Variants in MRE11 observed in about 807,000 individuals in gnomAD.
MRE11 encodes double-strand break repair protein MRE11.
MRE11 carries 62 observed loss-of-function variants against 91.7 expected under a neutral mutation model. The observed-to-expected ratio is 0.68, with a 90% CI of 0.55 to 0.84. The LOEUF (loss-of-function observed/expected upper bound fraction) is 0.84, where lower values mean the gene tolerates loss of function less well. Ranked by LOEUF, MRE11 falls within the 40% of genes least tolerant of loss-of-function variation. The probability of loss-of-function intolerance (pLI) is 0.00; values close to 1 mark genes in which losing one functional copy is unlikely to be tolerated. For missense variants in MRE11, 796 were observed against 852.9 expected, an observed-to-expected ratio of 0.93 and a Z score of 0.83; for synonymous variants, 273 against 271.4, an observed-to-expected ratio of 1.01 and a Z score of -0.06.
At chr11:94,450,773 C>T (rs1946078803) in intron 14 of MRE11, among the ~76,000 whole-genome samples, 2 of 151,852 alleles carry the variant, frequency 1.3e-5, no homozygotes, top group South Asian at 2.1e-4. Context: ...ATTCTGTATC[C>T]AAAAAGCTAG....
chr11:94,452,956 T>C (rs1412406510), intron 14 of MRE11, among the ~76,000 whole-genome samples: 1 of 152,160 alleles, frequency 6.6e-6, no homozygotes, highest in African/African-American at 2.4e-5. Flanking sequence ...CATCCCAAAC[T>C]GAAACTCCAT....
intron 7 of MRE11, chr11:94,472,996 C>T (rs1946757588): frequency 6.6e-6 from 1 of 152,072 alleles, no homozygotes; most frequent in South Asian, 2.1e-4. Context: ...CTCCTCTCTA[C>T]ATACACAGGG....
intron 6 of MRE11, 39 bp from the exon 7 acceptor site, chr11:94,476,442 A>T: frequency 7.3e-7 from 1 of 1,364,658 alleles, no homozygotes; most frequent in Admixed American, 1.7e-5. Context: ...TTGTTTTCTT[A>T]CTTCGGCTTA....
intron 19 of MRE11, among the ~76,000 whole-genome samples, chr11:94,421,075 T>G (rs1377969121): frequency 6.6e-6 from 1 of 151,956 alleles, no homozygotes; most frequent in Non-Finnish European, 1.5e-5. Context: ...CTATAGATTG[T>G]ATGCATGGTA....
intron 14 of MRE11, among the ~76,000 whole-genome samples, chr11:94,450,914 T>C (rs992120525): frequency 1.3e-5 from 2 of 152,006 alleles, no homozygotes; most frequent in South Asian, 2.1e-4. Flanking sequence ...ATAACATTAA[T>C]AAAAATCACA....
chr11:94,443,676 G>T (rs1283308090), intron 16 of MRE11, among the ~76,000 whole-genome samples: 1 of 152,136 alleles, frequency 6.6e-6, no homozygotes, highest in Non-Finnish European at 1.5e-5. Context: ...GCGCCTCATG[G>T]GAGTGGCTGA....
At chr11:94,471,351 G>A (rs1245344711) in intron 8 of MRE11, among the ~76,000 whole-genome samples, 2 of 152,038 alleles carry the variant, frequency 1.3e-5, no homozygotes, top group Non-Finnish European at 2.9e-5. Context: ...TGCCTAATGA[G>A]CAGCAAAATA....
intron 16 of MRE11, among the ~76,000 whole-genome samples, chr11:94,438,014 G>A (rs997223706): frequency 1.3e-5 from 2 of 152,130 alleles, no homozygotes; most frequent in African/African-American, 4.8e-5. Flanking sequence ...TGTAATCCCA[G>A]CTACTTGGGA....
chr11:94,458,429 T>C (rs1008632303), intron 13 of MRE11, among the ~76,000 whole-genome samples: 2 of 152,190 alleles, frequency 1.3e-5, no homozygotes, highest in Non-Finnish European at 2.9e-5. Flanking sequence ...TATCTTCTCA[T>C]GTTCTTCTTC....
rs201800515 is a variant in MRE11 at position 94,419,465 on chromosome 11, G to GGAGAGAGAGAGAGAGAGAGA, written c.*640_*659dup. 9.2e-4 allele frequency: 200 copies of GGAGAGAGAGAGAGAGAGAGA among 216,390 alleles called. No homozygotes were observed. The highest frequency in any genetic ancestry group is 4.6e-3 in the African/African-American group (189 of 40,672). 13.4% of individuals were successfully genotyped at this position (216,390 alleles called of 1,614,324 possible). On this transcript the variant is annotated 3_prime_UTR_variant, in exon 20 of 20. Transcript: ENST00000323929. ...GAAGAGTGGGGAACGGGGGGGAGAGGGAGAGAGAGAGAGAGAGAGAGAGAG... is the reference window on the plus strand; with the variant it reads ...GAAGAGTGGGGAACGGGGGGGAGAGGGAGAGAGAGAGAGAGAGAGAGAGAGAGAGAGAGAGAGAGAGAGAG...
At chr11:94,476,055 A>T (rs987650573) in intron 7 of MRE11, among the ~76,000 whole-genome samples, 2 of 152,182 alleles carry the variant, frequency 1.3e-5, no homozygotes, top group Non-Finnish European at 2.9e-5. Context: ...TTTTTGTTGA[A>T]TTGAGGAGTA....
chr11:94,431,177 G>A (rs566306960), intron 18 of MRE11, among the ~76,000 whole-genome samples: 4 of 152,214 alleles, frequency 2.6e-5, no homozygotes, highest in South Asian at 4.1e-4. Context: ...TGAGAATCAC[G>A]AGATCTTATG....
chr11:94,501,092 A>T, the MRE11 span, among the ~76,000 whole-genome samples: 1 of 152,210 alleles, frequency 6.6e-6, no homozygotes, highest in African/African-American at 2.4e-5. Flanking sequence ...ATGACCACTC[A>T]ATTTGTTCAA....
At chr11:94,456,783 C>A (rs1316247770) in intron 13 of MRE11, among the ~76,000 whole-genome samples, 1 of 152,122 alleles carries the variant, frequency 6.6e-6, no homozygotes, top group Non-Finnish European at 1.5e-5. Flanking sequence ...CCCTGAAGAT[C>A]CATTTTTATT....
At chr11:94,432,799 C>A (rs1157158408) in intron 18 of MRE11, among the ~76,000 whole-genome samples, 1 of 152,216 alleles carries the variant, frequency 6.6e-6, no homozygotes, top group Non-Finnish European at 1.5e-5. Flanking sequence ...GAGCGAGACT[C>A]CGTCTCAAAA....
At position 94,435,819 on chromosome 11, in the gene MRE11, T is replaced by A; in HGVS notation, c.1994+13A>T. On this transcript the variant is annotated intron_variant, in intron 18 of 19. Coordinates refer to ENST00000323929, the MANE Select transcript of MRE11 (RefSeq NM_005591.4). ...TTTCAGATGTTTCTTTTGCAGAAAA[T>A]CACTGCACCTACCTTTGATCTGTCT... is the stretch of plus-strand genomic sequence containing the variant. The A allele has an allele frequency of 1.2e-6, 2 of 1,608,956 alleles. No individual in the cohort carries two copies. The highest frequency in any genetic ancestry group is 8.5e-7 in the Non-Finnish European group (1 of 1,175,700).
intron 3 of MRE11, among the ~76,000 whole-genome samples, chr11:94,490,247 C>T (rs1947252041): frequency 1.3e-5 from 2 of 152,262 alleles, no homozygotes; most frequent in Middle Eastern, 3.4e-3. Context: ...GACTACAGGG[C>T]CCCTAACATA....
chr11:94,477,048 G>C (rs1015157395), intron 6 of MRE11, among the ~76,000 whole-genome samples: 3 of 152,170 alleles, frequency 2.0e-5, no homozygotes, highest in African/African-American at 7.2e-5. Flanking sequence ...ACAGTAGTTA[G>C]TTGCATTTGA....
intron 18 of MRE11, among the ~76,000 whole-genome samples, chr11:94,433,956 G>A (rs1302526058): frequency 6.6e-6 from 1 of 152,118 alleles, no homozygotes; most frequent in Non-Finnish European, 1.5e-5. Context: ...CTGTGCCACT[G>A]TTTCTTCTCT....
Sources: gnomAD v4.1 joint callset for allele counts (sites outside exome capture counted in the v4.1 genomes callset) on GRCh38, gnomAD v4.1.1 for gene constraint, MANE v1.5 for transcripts, NCBI Gene and HGNC (gene_info 2026-07-23, HGNC 2026-07-21) for gene names.